The following SETX variants were observed in gnomAD, a reference collection of about 807,000 sequenced individuals.
The protein encoded by SETX is senataxin.
SETX carries 90 observed loss-of-function variants against 227.2 expected under a neutral mutation model. The observed-to-expected ratio is 0.40, with a 90% confidence interval of 0.33 to 0.47. The LOEUF (loss-of-function observed/expected upper bound fraction) is 0.47, where lower values mean the gene tolerates loss of function less well. SETX is among the 20% of genes least tolerant of loss of function. The pLI is 0.91. For synonymous variants in SETX, 1,210 were observed against 1,113.2 expected (o/e 1.09, Z -1.73); for missense variants, 3,052 against 3,181.5 (o/e 0.96, Z 0.98).
chr9:132,311,869 C>A lies in SETX; in HGVS notation c.5275-13G>T. 5 of 1,584,526 alleles carry A rather than the reference C, an allele frequency of 3.2e-6. No individual in the cohort carries two copies. Among genetic ancestry groups the A allele is most frequent in the Non-Finnish European group, 4.3e-6 (5 of 1,154,230 alleles). ...ATTCTTGTGCCACCTATACAAAGCA[C>A]AAAAGCAAATTAAGAAAGCAACATT... On this transcript the variant is annotated splice_polypyrimidine_tract_variant and intron_variant, in intron 10 of 25. Transcript: ENST00000224140.
intron 2 of SETX, among the ~76,000 whole-genome samples, chr9:132,351,839 T>A (rs969584207): frequency 3.9e-5 from 6 of 152,166 alleles, no homozygotes. Context: ...CAATCATTAG[T>A]GAATGACAAA....
Position 132,326,736 on chromosome 9 carries a change from G to A in SETX, c.4862C>T (p.Ser1621Leu). 1 of 1,614,212 alleles carries A rather than the reference G, an allele frequency of 6.2e-7. No homozygotes were observed. The highest frequency in any genetic ancestry group is 8.5e-7 in the Non-Finnish European group (1 of 1,180,040). The part of the protein sequence containing the change: ...SKSLETSSAL[S>L]PSLKNKSKGI... ...CTTTGACTTATTTTTTAGAGACGGT[G>A]AAAGTGCTGAAGAAGTTTCCAAAGA... The change falls in exon 10 of 26, where the codon TCA becomes TTA. Residue 1621 changes from serine (S) to leucine (L), a missense_variant. Transcript: ENST00000224140.
At chr9:132,337,422 C>A in intron 5 of SETX, among the ~76,000 whole-genome samples, 1 of 110,748 alleles carries the variant, frequency 9.0e-6, no homozygotes. Context: ...AAATTTAGTG[C>A]TCACAACCAA....
At chr9:132,276,822 ACG>A (rs1312968377) in intron 22 of SETX, among the ~76,000 whole-genome samples, 2 of 152,220 alleles carry the variant, frequency 1.3e-5, no homozygotes, top group Non-Finnish European at 2.9e-5. Context: ...TGCAATGGGC[ACG>A]TCTGTTTCCC....
rs1847158271 is a variant in SETX, at chr9:132,330,562, C to T, written c.1099-63G>A. ...CACCACTTATGACAGGTTCAACACC[C>T]AAGTCGTTAAGAAAAATACGTTTCT... On this transcript the variant is annotated intron_variant, in intron 9 of 25. Transcript: ENST00000224140. The T allele has an allele frequency of 2.1e-6, 3 of 1,425,174 alleles. No individual in the cohort carries two copies. The South Asian group carries it at 3.5e-5, about 17-fold the overall frequency. 88.3% of individuals were successfully genotyped at this position (1,425,174 alleles called of 1,614,324 possible). A position where few individuals can be genotyped will look rare whatever the true frequency, so the allele number is the denominator to read the frequency against.
chr9:132,305,793 T>C (rs1022297369), intron 11 of SETX, among the ~76,000 whole-genome samples: 1 of 152,188 alleles, frequency 6.6e-6, no homozygotes, highest in Non-Finnish European at 1.5e-5. Flanking sequence ...CACAACTGAA[T>C]GGAATTTGTG....
At chr9:132,292,094 T>C (rs1225676089) in intron 15 of SETX, among the ~76,000 whole-genome samples, 1 of 152,164 alleles carries the variant, frequency 6.6e-6, no homozygotes, top group Non-Finnish European at 1.5e-5. Flanking sequence ...TTTCTCCTTA[T>C]ACTTTCCTAC....
chr9:132,287,674 C>A (rs1419880426), intron 17 of SETX, among the ~76,000 whole-genome samples: 1 of 150,320 alleles, frequency 6.7e-6, no homozygotes, highest in Non-Finnish European at 1.5e-5. Flanking sequence ...ACTAGAATAT[C>A]TTGCCCTTTA....
chr9:132,343,571 T>C (rs1340320899), intron 4 of SETX, among the ~76,000 whole-genome samples: 2 of 152,234 alleles, frequency 1.3e-5, no homozygotes, highest in African/African-American at 2.4e-5. Context: ...CAACTTTAGC[T>C]GTAAAATTTC....
intron 5 of SETX, 120 bp downstream of exon 5, chr9:132,342,570 T>C (rs1259473822): frequency 4.7e-6 from 4 of 857,024 alleles, no homozygotes; most frequent in Non-Finnish European, 8.0e-6. Flanking sequence ...TAGTAAATTT[T>C]AAAGCAAGAA....
At position 132,346,398 on chromosome 9, in the gene SETX, T is replaced by C. The variant is rs753447156; in HGVS notation, c.251A>G (p.Asp84Gly). ...EKSMKAEIGD[D>G]DELYIVDNNG... is the part of the protein sequence containing the mutation. ...ATTGTCTACTATATATAACTCATCA[T>C]CATCTCCAATTTCTGCCTTCATGGA... The change falls in exon 4 of 26, where the codon GAT (aspartate) becomes GGT (glycine). Residue 84 changes from aspartate to glycine, a missense_variant. This residue lies in a region of SETX where 152 missense variants were observed against 156.2 expected (regional missense o/e 0.97). Coordinates refer to ENST00000224140, the MANE Select transcript of SETX (RefSeq NM_015046.7). 1 of 1,613,904 alleles carries C rather than the reference T, an allele frequency of 6.2e-7. No homozygotes were observed. Among genetic ancestry groups the C allele is most frequent in the Non-Finnish European group, 8.5e-7 (1 of 1,179,806 alleles).
At chr9:132,292,825 G>T (rs571704415) in intron 15 of SETX, among the ~76,000 whole-genome samples, 1 of 152,056 alleles carries the variant, frequency 6.6e-6, no homozygotes, top group Non-Finnish European at 1.5e-5. Context: ...TTTCAGTAGA[G>T]ACTGGGTTTC....
chr9:132,300,484 G>T (rs982598116), intron 12 of SETX, 146 bp downstream of exon 12: 9 of 800,594 alleles, frequency 1.1e-5, no homozygotes, highest in Non-Finnish European at 1.9e-5. Flanking sequence ...AACTAGAAAA[G>T]AGACTCTGAA....
At chr9:132,291,781 G>A (rs1263208202) in intron 15 of SETX, among the ~76,000 whole-genome samples, 1 of 152,104 alleles carries the variant, frequency 6.6e-6, no homozygotes, top group Non-Finnish European at 1.5e-5. Flanking sequence ...AAAATGAACA[G>A]ACTTTAAAAT....
rs763025410 is a variant in SETX at position 132,275,295 on chromosome 9, A to G, written c.7061T>C (p.Met2354Thr). Reference sequence around the variant, plus strand: ...CTCTTTGTCCAAATCCTTCTGAATCATCGTCTTCTGGGCCTTGTAATGAGT... The same window carrying G: ...CTCTTTGTCCAAATCCTTCTGAATCGTCGTCTTCTGGGCCTTGTAATGAGT... ...IITHYKAQKT[M>T]IQKDLDKEFD... Residue 2354 changes from methionine to threonine, a missense_variant, in exon 23 of 26, where the codon ATG becomes ACG. Physicochemically the swap from Met to Thr is moderately conservative, Grantham distance 81. Transcript: ENST00000224140. The G allele has an allele frequency of 2.5e-6, 4 of 1,614,170 alleles. No individual in the cohort carries two copies. The South Asian group carries it at 3.3e-5, about 13-fold the overall frequency.
intron 20 of SETX, among the ~76,000 whole-genome samples, chr9:132,279,111 C>T (rs996058503): frequency 1.3e-5 from 2 of 152,156 alleles, no homozygotes; most frequent in African/African-American, 2.4e-5. Flanking sequence ...TTAGGAACGC[C>T]GAAGCTGTGC....
intron 6 of SETX, among the ~76,000 whole-genome samples, chr9:132,335,105 T>C (rs1383874826): frequency 1.3e-5 from 2 of 151,982 alleles, no homozygotes; most frequent in Non-Finnish European, 1.5e-5. Context: ...TAGAAGTATT[T>C]TGAGGCCGGG....
chr9:132,272,573 TC>T (rs1842954708), intron 23 of SETX, among the ~76,000 whole-genome samples: 1 of 152,002 alleles, frequency 6.6e-6, no homozygotes, highest in African/African-American at 2.4e-5. Context: ...TGCCTCAGCC[TC>T]CCAAGGAGAT....
At chr9:132,342,466 T>C (rs908289087) in intron 5 of SETX, among the ~76,000 whole-genome samples, 3 of 152,178 alleles carry the variant, frequency 2.0e-5, no homozygotes, top group Non-Finnish European at 4.4e-5. Flanking sequence ...TTATTCCCGT[T>C]TGTCTTTTAA....
Sources: gnomAD v4.1 joint callset for allele counts (sites outside exome capture counted in the v4.1 genomes callset) on GRCh38, gnomAD v4.1.1 for gene constraint, gnomAD v4.1.1 regional missense constraint, MANE v1.5 for transcripts, NCBI Gene and HGNC (gene_info 2026-07-23, HGNC 2026-07-21) for gene names.